ERCC6L2: variants seen among roughly 807,000 people sequenced by gnomAD.
The protein encoded by ERCC6L2 is DNA excision repair protein ERCC-6-like 2.
Under a neutral mutation model 132.0 loss-of-function variants are expected in ERCC6L2, and 77 were observed. The observed-to-expected ratio is 0.58, with a 90% CI of 0.49 to 0.71. The LOEUF is 0.71. Among genes scored for constraint, ERCC6L2 ranks in the 30% least tolerant of loss-of-function variants. The pLI is 0.00. For missense variants in ERCC6L2, 1,542 were observed against 1,837.6 expected, an observed-to-expected ratio of 0.84 and a Z score of 2.94; for synonymous variants, 583 against 632.4, an observed-to-expected ratio of 0.92 and a Z score of 1.17.
intron 11 of ERCC6L2, among the ~76,000 whole-genome samples, chr9:95,934,505 ACTTCT>A (rs1378784687): frequency 7.1e-6 from 1 of 141,800 alleles, no homozygotes; most frequent in African/African-American, 2.6e-5. Flanking sequence ...GTCTTTAGTG[ACTTCT>A]CTTCACTGTT....
intron 4 of ERCC6L2, among the ~76,000 whole-genome samples, chr9:95,912,900 G>A (rs1340160966): frequency 6.6e-6 from 1 of 152,194 alleles, no homozygotes; most frequent in African/African-American, 2.4e-5. Context: ...GGCTTAAATA[G>A]ATTCAGATTA....
At position 95,921,194 on chromosome 9, in the gene ERCC6L2, C is replaced by A; in HGVS notation, c.1178C>A (p.Thr393Lys). 1 of 1,611,666 alleles carries A rather than the reference C, an allele frequency of 6.2e-7. No homozygotes were observed. The part of the protein sequence containing the change: ...KEDRMVYCSL[T>K]DFQKAVYQTV... ...TGGCAGATGGTGTATTGTTCTTTGACAGATTTCCAGAAAGCTGTCTATCAA... is the reference window on the plus strand; with the variant it reads ...TGGCAGATGGTGTATTGTTCTTTGAAAGATTTCCAGAAAGCTGTCTATCAA... The change falls in exon 7 of 19, where the codon ACA becomes AAA. Residue 393 changes from threonine to lysine, a missense_variant. By Grantham distance (78) the Thr-to-Lys change is moderately conservative. This residue lies in a region of ERCC6L2 where 945 missense variants were observed against 1,105.2 expected (regional missense o/e 0.86). Transcript: ENST00000653738.
chr9:96,006,449 C>G (rs1422552393), intron 18 of ERCC6L2, among the ~76,000 whole-genome samples: 2 of 152,168 alleles, frequency 1.3e-5, no homozygotes. Flanking sequence ...GTGCTCAGGC[C>G]CTGGCGGGAG....
At chr9:95,991,858 A>G (rs2133160702) in intron 17 of ERCC6L2, among the ~76,000 whole-genome samples, 1 of 152,364 alleles carries the variant, frequency 6.6e-6, no homozygotes. Flanking sequence ...AGTTCAAGAT[A>G]CACCAATGAA....
At chr9:95,980,660 A>T (rs888963519) in intron 17 of ERCC6L2, among the ~76,000 whole-genome samples, 4 of 152,182 alleles carry the variant, frequency 2.6e-5, no homozygotes, top group African/African-American at 9.7e-5. Flanking sequence ...TTGGCTAGAG[A>T]GATTTATGTT....
intron 9 of ERCC6L2, among the ~76,000 whole-genome samples, chr9:95,925,163 C>T (rs79623927): frequency 2.0e-4 from 30 of 152,258 alleles, no homozygotes; most frequent in African/African-American, 7.2e-4. Flanking sequence ...ATCTTTATAG[C>T]CTCAAAGCTA....
intron 16 of ERCC6L2, among the ~76,000 whole-genome samples, chr9:95,975,752 C>G (rs1194635448): frequency 6.6e-6 from 1 of 151,982 alleles, no homozygotes; most frequent in East Asian, 1.9e-4. Flanking sequence ...GTCACATTCT[C>G]TCAAATCTTT....
intron 17 of ERCC6L2, among the ~76,000 whole-genome samples, chr9:96,003,758 G>A (rs1344339716): frequency 6.6e-6 from 1 of 152,138 alleles, no homozygotes; most frequent in Non-Finnish European, 1.5e-5. Flanking sequence ...TAGACATTCT[G>A]CTTTCTTACT....
chr9:96,003,076 G>C (rs1588045743), intron 17 of ERCC6L2, among the ~76,000 whole-genome samples: 2 of 152,076 alleles, frequency 1.3e-5, no homozygotes, highest in South Asian at 4.2e-4. Context: ...TCCAGCCTGG[G>C]TGACAAAGTG....
At chr9:96,040,735 C>G (rs565721852) in intron 20 of ERCC6L2, among the ~76,000 whole-genome samples, 1 of 152,354 alleles carries the variant, frequency 6.6e-6, no homozygotes, top group Non-Finnish European at 1.5e-5. Flanking sequence ...TGCAGAGACA[C>G]TACTCCATAA....
intron 17 of ERCC6L2, among the ~76,000 whole-genome samples, chr9:95,987,045 T>C (rs1432626438): frequency 6.6e-6 from 1 of 152,170 alleles, no homozygotes; most frequent in East Asian, 1.9e-4. Flanking sequence ...ACTTATTCAC[T>C]ACCACGAGAA....
intron 17 of ERCC6L2, among the ~76,000 whole-genome samples, chr9:95,996,876 C>T (rs1202712606): frequency 6.6e-6 from 1 of 152,214 alleles, no homozygotes; most frequent in Non-Finnish European, 1.5e-5. Flanking sequence ...TTCATGTCTA[C>T]TAACACGGCA....
intron 12 of ERCC6L2, 140 bp from the exon 13 acceptor site, chr9:95,955,774 T>C (rs1384990676): frequency 1.3e-5 from 6 of 446,336 alleles, no homozygotes; most frequent in Non-Finnish European, 1.9e-5. Flanking sequence ...TATTACTAAA[T>C]AGAGCATATT....
At chr9:95,939,206 G>A (rs892919219) in intron 11 of ERCC6L2, among the ~76,000 whole-genome samples, 5 of 151,148 alleles carry the variant, frequency 3.3e-5, no homozygotes, top group African/African-American at 4.9e-5. Context: ...AAATAAAATA[G>A]TATTTATATT....
intron 14 of ERCC6L2, among the ~76,000 whole-genome samples, chr9:95,970,243 T>C (rs1413940775): frequency 6.6e-6 from 1 of 152,182 alleles, no homozygotes; most frequent in Non-Finnish European, 1.5e-5. Context: ...ATGGTTGTTA[T>C]GGATATCATA....
Position 95,900,191 on chromosome 9 carries a change from G to A in ERCC6L2, c.594+2220G>A, listed in dbSNP as rs761152771. 9.3e-4 allele frequency among the ~76,000 whole-genome samples: 142 copies of A among 152,002 alleles called. 3 individuals carry two copies. The Middle Eastern group carries it at 0.01, about 11-fold the overall frequency. The stretch of plus-strand genomic sequence containing the variant: ...GCCCAGGAGTTTGAGACCGGCCTGC[G>A]CACCATAAGAATACCCTGTCTTTAC... On this transcript the variant is annotated intron_variant, in intron 3 of 18. Coordinates refer to ENST00000653738, the MANE Select transcript of ERCC6L2 (RefSeq NM_020207.7).
intron 17 of ERCC6L2, among the ~76,000 whole-genome samples, chr9:95,983,239 A>G (rs1175336028): frequency 6.6e-6 from 1 of 152,176 alleles, no homozygotes; most frequent in Admixed American, 6.5e-5. Flanking sequence ...GCTGATTTCT[A>G]ATGAAAAATG....
At chr9:96,003,071 C>A (rs983293582) in intron 17 of ERCC6L2, among the ~76,000 whole-genome samples, 2 of 152,118 alleles carry the variant, frequency 1.3e-5, no homozygotes, top group Non-Finnish European at 2.9e-5. Context: ...TGCGCTCCAG[C>A]CTGGGTGACA....
At chr9:95,990,031 T>C (rs1039383983) in intron 17 of ERCC6L2, among the ~76,000 whole-genome samples, 4 of 152,088 alleles carry the variant, frequency 2.6e-5, no homozygotes, top group African/African-American at 9.7e-5. Flanking sequence ...GTAAGGCACA[T>C]AGGGGGTTAA....
Sources: allele counts gnomAD v4.1 joint callset (sites outside exome capture counted in the v4.1 genomes callset), GRCh38; gene constraint gnomAD v4.1.1; regional missense constraint gnomAD v4.1.1; transcripts MANE v1.5; gene names NCBI Gene and HGNC (gene_info 2026-07-23, HGNC 2026-07-21).